VRK2: variants seen among roughly 807,000 people sequenced by gnomAD.
VRK2 encodes the protein VRK serine/threonine kinase 2, also known as serine/threonine-protein kinase VRK2.
A neutral mutation model predicts 57.6 loss-of-function variants in VRK2; 60 were observed. That is an observed-to-expected ratio of 1.04 (90% confidence interval 0.85 to 1.29). VRK2 has a LOEUF of 1.29. Among genes scored for constraint, VRK2 ranks in the 50% most tolerant of loss-of-function variants. The pLI is 0.00. For missense variants in VRK2, 705 were observed against 588.1 expected, an observed-to-expected ratio of 1.20 and a Z score of -2.06; for synonymous variants, 231 against 199.2, an observed-to-expected ratio of 1.16 and a Z score of -1.35.
At chr2:58,157,372 G>T (rs1034512469) in intron 12 of VRK2, among the ~76,000 whole-genome samples, 2 of 152,120 alleles carry the variant, frequency 1.3e-5, no homozygotes, top group African/African-American at 2.4e-5. Context: ...TATTTGTTGT[G>T]GGGGTGCTGT....
At chr2:58,078,980 C>G (rs1441501142) in intron 2 of VRK2, among the ~76,000 whole-genome samples, 1 of 151,998 alleles carries the variant, frequency 6.6e-6, no homozygotes, top group African/African-American at 2.4e-5. Context: ...GCTGATTTTG[C>G]CCATTTTTAA....
upstream of VRK2, among the ~76,000 whole-genome samples, chr2:58,046,259 C>CA (rs1226520127): frequency 2.6e-5 from 4 of 152,096 alleles, no homozygotes; most frequent in East Asian, 1.9e-4. Context: ...ATTTCACAGA[C>CA]AAAAAAACCT....
chr2:57,997,994 A>G (rs1466214228), intron 1 of VRK2, among the ~76,000 whole-genome samples: 1 of 152,210 alleles, frequency 6.6e-6, no homozygotes, highest in East Asian at 1.9e-4. Context: ...CTATTATGAC[A>G]TAGACACATA....
chr2:57,981,430 T>A lies in VRK2; in HGVS notation c.-438-44235T>A, dbSNP rs948971605. ...TGTTAACTTGACACTGTTCCCTTTT[T>A]ATATTACCTACCCCTTCTCTTTAGC... On this transcript the variant is annotated intron_variant, in intron 1 of 15. Transcript: ENST00000417641. 1.1e-4 allele frequency among the ~76,000 whole-genome samples: 16 copies of A among 152,174 alleles called. 1 individual carries two copies. Among genetic ancestry groups the A allele is most frequent in the Admixed American group, 9.8e-4 (15 of 15,282 alleles).
intron 8 of VRK2, among the ~76,000 whole-genome samples, chr2:58,125,229 T>C (rs543827526): frequency 6.6e-6 from 1 of 152,084 alleles, no homozygotes; most frequent in African/African-American, 2.4e-5. Context: ...ATCACTGTGA[T>C]TGTGGAAAGA....
chr2:57,927,951 C>A (rs1670593930), intron 1 of VRK2, among the ~76,000 whole-genome samples: 1 of 152,014 alleles, frequency 6.6e-6, no homozygotes, highest in African/African-American at 2.4e-5. Context: ...TTTATTTTCT[C>A]TTGCTTTTAG....
At position 58,135,139 on chromosome 2, in the gene VRK2, A is replaced by C; in HGVS notation, c.798-2A>C. On this transcript the variant is annotated splice_acceptor_variant, in intron 9 of 12. Coordinates refer to ENST00000340157, the MANE Select transcript of VRK2 (RefSeq NM_006296.7). LOFTEE classifies it high-confidence loss of function. The stretch of plus-strand genomic sequence containing the variant: ...ATTGTGCATTACCTTATTTTGTTTT[A>C]GTCTGTTGGACGAGCTCCCCCAGTC... The C allele has an allele frequency of 6.2e-7, 1 of 1,614,026 alleles. No individual in the cohort carries two copies.
chr2:57,926,488 TTA>T (rs1227258510), intron 1 of VRK2, among the ~76,000 whole-genome samples: 70 of 144,992 alleles, frequency 4.8e-4, no homozygotes, highest in African/African-American at 1.1e-3. Flanking sequence ...ATATATACAA[TTA>T]TATATATATA....
At chr2:57,908,608 TTTTGA>T (rs1303314106) in intron 1 of VRK2, among the ~76,000 whole-genome samples, 1 of 152,192 alleles carries the variant, frequency 6.6e-6, no homozygotes. Flanking sequence ...TAATAAACCT[TTTTGA>T]GGCATCCACA....
At chr2:57,992,987 A>G (rs1672814340) in intron 1 of VRK2, among the ~76,000 whole-genome samples, 1 of 152,186 alleles carries the variant, frequency 6.6e-6, no homozygotes, top group Non-Finnish European at 1.5e-5. Flanking sequence ...AACTCTTAGT[A>G]CCTCGGTTTC....
upstream of VRK2, among the ~76,000 whole-genome samples, chr2:58,042,457 C>G (rs1337505161): frequency 6.6e-6 from 1 of 152,140 alleles, no homozygotes; most frequent in African/African-American, 2.4e-5. Flanking sequence ...AAAATACTAG[C>G]TCTTCTTTGG....
chr2:58,112,869 GTAGA>G (rs1389180636), intron 7 of VRK2, among the ~76,000 whole-genome samples: 1 of 152,178 alleles, frequency 6.6e-6, no homozygotes, highest in African/African-American at 2.4e-5. Context: ...GTCTTAATAT[GTAGA>G]TAAAGTCTTT....
Position 57,961,619 on chromosome 2 carries a change from A to ACC in VRK2, c.-439+53782_-439+53783dup, listed in dbSNP as rs1172019075. On this transcript the variant is annotated intron_variant, in intron 1 of 15. Coordinates refer to the VRK2 transcript ENST00000417641. ...GGTCATCTATGCTGTCTCCCACTGTACCCACCCCCCCCCCCACTTATTACT... is the reference window on the plus strand; with the variant it reads ...GGTCATCTATGCTGTCTCCCACTGTACCCCCACCCCCCCCCCCACTTATTACT... Among the ~76,000 whole-genome samples the ACC allele has an allele frequency of 7.0e-3, 288 of 41,244 alleles. 1 individual carries two copies. Among genetic ancestry groups the ACC allele is most frequent in the African/African-American group, 0.014 (105 of 7,342 alleles). The allele number at this position is 41,244 out of a possible 152,430, so 27.1% of individuals were successfully genotyped here.
intron 2 of VRK2, among the ~76,000 whole-genome samples, chr2:58,078,113 T>C (rs1439133342): frequency 6.6e-6 from 1 of 152,156 alleles, no homozygotes; most frequent in Non-Finnish European, 1.5e-5. Flanking sequence ...CATTTTGCAG[T>C]ACTGAAACTC....
rs930007905 is a variant in VRK2, at chr2:58,017,113, T to A, written c.-438-8552T>A. 2.0e-5 allele frequency among the ~76,000 whole-genome samples: 3 copies of A among 152,180 alleles called. No homozygotes were observed. The East Asian group carries it at 5.8e-4, about 29-fold the overall frequency. On this transcript the variant is annotated intron_variant, in intron 1 of 15. Coordinates refer to the VRK2 transcript ENST00000417641. ...CACTACGAGAATTTCTGGGGAGCAG[T>A]CACAGGATAGAAAACCCTCCACTTT...
chr2:57,990,304 C>G (rs1558528607), intron 1 of VRK2, among the ~76,000 whole-genome samples: 1 of 152,158 alleles, frequency 6.6e-6, no homozygotes, highest in Non-Finnish European at 1.5e-5. Context: ...TCTTAGTCTC[C>G]TTGACACAGT....
chr2:58,093,750 C>G (rs1159597526), intron 7 of VRK2, among the ~76,000 whole-genome samples: 2 of 152,124 alleles, frequency 1.3e-5, no homozygotes, highest in African/African-American at 4.8e-5. Context: ...ATGCCTGTGT[C>G]CTGAATGGTA....
intron 1 of VRK2, among the ~76,000 whole-genome samples, chr2:58,014,217 G>A (rs763783441): frequency 6.6e-6 from 1 of 152,082 alleles, no homozygotes; most frequent in Non-Finnish European, 1.5e-5. Flanking sequence ...GTAGTCTGCC[G>A]TGCTATATTC....
At chr2:57,942,142 C>G (rs180709773) in intron 1 of VRK2, among the ~76,000 whole-genome samples, 33 of 152,166 alleles carry the variant, frequency 2.2e-4, no homozygotes, top group Middle Eastern at 3.4e-3. Context: ...AACTTTTTAG[C>G]AGGGGAAGAA....
Sources: gnomAD v4.1 joint callset for allele counts (sites outside exome capture counted in the v4.1 genomes callset) on GRCh38, gnomAD v4.1.1 for gene constraint, MANE v1.5 for transcripts, NCBI Gene and HGNC (gene_info 2026-07-23, HGNC 2026-07-21) for gene names.